Variants in PDE4B observed in about 807,000 individuals in gnomAD.
The protein encoded by PDE4B is phosphodiesterase 4B, also known as 3',5'-cyclic-AMP phosphodiesterase 4B.
A neutral mutation model predicts 82.2 loss-of-function variants in PDE4B; 20 were observed. The observed-to-expected ratio is 0.24, with a 90% confidence interval of 0.17 to 0.35. The LOEUF (loss-of-function observed/expected upper bound fraction) is 0.35, where lower values mean the gene tolerates loss of function less well. PDE4B is among the 10% of genes least tolerant of loss of function. The pLI, the probability that PDE4B is intolerant of heterozygous loss-of-function variation, is 1.00. For synonymous variants in PDE4B, 320 were observed against 318.9 expected (o/e 1.00, Z -0.04); for missense variants, 655 against 907.2 (o/e 0.72, Z 3.57).
chr1:66,331,183 T>G (rs1660079656), intron 7 of PDE4B, among the ~76,000 whole-genome samples: 1 of 152,232 alleles, frequency 6.6e-6, no homozygotes. Context: ...CATGTGGTCT[T>G]GCTAGAATTT....
intron 3 of PDE4B, among the ~76,000 whole-genome samples, chr1:66,188,100 G>C (rs1457361315): frequency 6.6e-6 from 1 of 151,334 alleles, no homozygotes; most frequent in Non-Finnish European, 1.5e-5. Flanking sequence ...GTACCCAGTA[G>C]TCATTCAGGA....
chr1:66,023,989 C>T (rs1242701927), intron 3 of PDE4B, among the ~76,000 whole-genome samples: 1 of 152,050 alleles, frequency 6.6e-6, no homozygotes, highest in Admixed American at 6.6e-5. Flanking sequence ...CTCAGTTATA[C>T]ATATTTTGAT....
chr1:66,181,734 C>T (rs1350176452), intron 3 of PDE4B, among the ~76,000 whole-genome samples: 2 of 152,134 alleles, frequency 1.3e-5, no homozygotes, highest in Non-Finnish European at 2.9e-5. Flanking sequence ...CCAACAAATA[C>T]TCCAGAATGA....
chr1:65,884,148 G>T (rs558550033), intron 1 of PDE4B, among the ~76,000 whole-genome samples: 1 of 152,094 alleles, frequency 6.6e-6, no homozygotes, highest in African/African-American at 2.4e-5. Context: ...CCAGGCTTTG[G>T]TATCAGGATG....
At chr1:65,975,061 G>A (rs897123133) in intron 3 of PDE4B, among the ~76,000 whole-genome samples, 1 of 152,230 alleles carries the variant, frequency 6.6e-6, no homozygotes, top group Admixed American at 6.5e-5. Flanking sequence ...ACAGGAAGAT[G>A]TGGGAAAGTG....
intron 3 of PDE4B, among the ~76,000 whole-genome samples, chr1:66,037,232 T>C (rs1236030497): frequency 1.3e-5 from 2 of 152,122 alleles, no homozygotes; most frequent in African/African-American, 4.8e-5. Context: ...TTGGGTAATA[T>C]GGACCTTTTA....
At chr1:65,953,867 AAAAT>A (rs1242654340) in intron 3 of PDE4B, among the ~76,000 whole-genome samples, 1 of 152,050 alleles carries the variant, frequency 6.6e-6, no homozygotes, top group Non-Finnish European at 1.5e-5. Flanking sequence ...GGTGAATAAT[AAAAT>A]AAAGAATAAA....
intron 3 of PDE4B, among the ~76,000 whole-genome samples, chr1:66,194,363 T>C (rs1648091861): frequency 6.6e-6 from 1 of 152,134 alleles, no homozygotes; most frequent in South Asian, 2.1e-4. Flanking sequence ...GTTAACATCA[T>C]AACTTGGATG....
chr1:66,337,154 A>G (rs1196136532), intron 8 of PDE4B, among the ~76,000 whole-genome samples: 1 of 152,230 alleles, frequency 6.6e-6, no homozygotes, highest in Admixed American at 6.5e-5. Context: ...TATTCATGCC[A>G]CTTTTGCCTA....
At chr1:65,814,532 C>A (rs1482740226) in intron 1 of PDE4B, among the ~76,000 whole-genome samples, 1 of 152,038 alleles carries the variant, frequency 6.6e-6, no homozygotes, top group Non-Finnish European at 1.5e-5. Context: ...CAAATGTGTT[C>A]AATTATGAAA....
intron 3 of PDE4B, among the ~76,000 whole-genome samples, chr1:65,986,354 A>G (rs1208161124): frequency 1.3e-5 from 2 of 151,964 alleles, no homozygotes; most frequent in African/African-American, 2.4e-5. Context: ...GAAACAGCTG[A>G]CTCTTCTTAT....
intron 3 of PDE4B, among the ~76,000 whole-genome samples, chr1:66,003,357 A>C (rs1018789137): frequency 3.3e-5 from 5 of 152,148 alleles, no homozygotes; most frequent in Admixed American, 2.0e-4. Flanking sequence ...TTTAAAAAAA[A>C]AAAACATTTA....
intron 3 of PDE4B, among the ~76,000 whole-genome samples, chr1:66,031,681 C>T (rs1441888602): frequency 6.6e-6 from 1 of 151,970 alleles, no homozygotes; most frequent in East Asian, 1.9e-4. Context: ...CTTGATGAAC[C>T]CCATATGGTT....
intron 3 of PDE4B, among the ~76,000 whole-genome samples, chr1:66,091,670 G>A (rs1645027894): frequency 6.6e-6 from 1 of 151,948 alleles, no homozygotes; most frequent in African/African-American, 2.4e-5. Context: ...TATTAAAATA[G>A]CAGAGTTGTA....
At chr1:66,069,600 A>G (rs796461239) in intron 3 of PDE4B, among the ~76,000 whole-genome samples, 27 of 152,098 alleles carry the variant, frequency 1.8e-4, no homozygotes, top group African/African-American at 6.3e-4. Context: ...AGCACATACT[A>G]TATTTGGAAT....
intron 3 of PDE4B, among the ~76,000 whole-genome samples, chr1:66,090,118 C>T (rs1644982307): frequency 1.3e-5 from 2 of 152,018 alleles, no homozygotes; most frequent in South Asian, 4.1e-4. Flanking sequence ...ACAGGAATTT[C>T]AGGAGAGAGT....
chr1:66,254,688 C>T (rs145995279), intron 4 of PDE4B, among the ~76,000 whole-genome samples: 10 of 152,350 alleles, frequency 6.6e-5, no homozygotes, highest in Non-Finnish European at 1.2e-4. Flanking sequence ...CTTATTTCTA[C>T]TCACGGCTTC....
At chr1:66,152,879 G>A (rs114291423) in intron 3 of PDE4B, among the ~76,000 whole-genome samples, 182 of 152,212 alleles carry the variant, frequency 1.2e-3, no homozygotes, top group African/African-American at 3.9e-3. Flanking sequence ...TCTGGGAAAT[G>A]TGTTTTTGCT....
intron 3 of PDE4B, among the ~76,000 whole-genome samples, chr1:66,075,304 T>G (rs1656362551): frequency 6.6e-6 from 1 of 152,074 alleles, no homozygotes; most frequent in Admixed American, 6.5e-5. Context: ...ATGAACATTT[T>G]TGTACAAATT....
Sources: gnomAD v4.1 joint callset for allele counts (sites outside exome capture counted in the v4.1 genomes callset) on GRCh38, gnomAD v4.1.1 for gene constraint, MANE v1.5 for transcripts, NCBI Gene and HGNC (gene_info 2026-07-23, HGNC 2026-07-21) for gene names.